The following AGBL4 variants were observed in gnomAD, a reference collection of about 807,000 sequenced individuals.
AGBL4 encodes the protein AGBL carboxypeptidase 4, also known as cytosolic carboxypeptidase 6.
A neutral mutation model predicts 66.4 loss-of-function variants in AGBL4; 58 were observed. The observed-to-expected ratio is 0.87, with a 90% CI of 0.71 to 1.09. The LOEUF is 1.09. AGBL4 is among the 50% of genes least tolerant of loss of function. The pLI is 0.00. For synonymous variants in AGBL4, 234 were observed against 222.9 expected, an observed-to-expected ratio of 1.05 and a Z score of -0.44; for missense variants, 579 against 631.0, an observed-to-expected ratio of 0.92 and a Z score of 0.88.
intron 3 of AGBL4, among the ~76,000 whole-genome samples, chr1:49,316,005 A>G (rs1418962855): frequency 6.6e-6 from 1 of 152,032 alleles, no homozygotes; most frequent in Non-Finnish European, 1.5e-5. Context: ...GAAAGAGACA[A>G]TCTGAAAAGG....
intron 4 of AGBL4, among the ~76,000 whole-genome samples, chr1:49,228,217 CTTA>C (rs2148291275): frequency 6.6e-6 from 1 of 152,270 alleles, no homozygotes; most frequent in African/African-American, 2.4e-5. Context: ...TTTGTGAACA[CTTA>C]TTATTTGTCA....
At chr1:49,416,554 T>A (rs959036824) in intron 3 of AGBL4, among the ~76,000 whole-genome samples, 1 of 152,150 alleles carries the variant, frequency 6.6e-6, no homozygotes, top group Non-Finnish European at 1.5e-5. Flanking sequence ...TAGATAAATG[T>A]TACAACATAA....
At position 48,587,451 on chromosome 1, in the gene AGBL4, A is replaced by G. The variant is rs1225494881; in HGVS notation, c.1105-285T>C. Among the ~76,000 whole-genome samples the G allele has an allele frequency of 3.3e-5, 5 of 151,860 alleles. No homozygotes were observed. In the East Asian group the frequency reaches 9.9e-4, roughly 30 times the overall value. On this transcript the variant is annotated intron_variant, in intron 10 of 13. Transcript: ENST00000371839. Reference sequence around the variant, plus strand: ...AGACAGAGGAAAAAGAAGCAACTACATTTTGATGATAATCAGAACTAACAT... The same window carrying G: ...AGACAGAGGAAAAAGAAGCAACTACGTTTTGATGATAATCAGAACTAACAT...
intron 3 of AGBL4, among the ~76,000 whole-genome samples, chr1:49,332,396 G>C (rs1311173039): frequency 6.6e-6 from 1 of 152,136 alleles, no homozygotes; most frequent in Non-Finnish European, 1.5e-5. Flanking sequence ...TTTCATAGGT[G>C]AGTTATAACC....
intron 3 of AGBL4, among the ~76,000 whole-genome samples, chr1:49,441,967 G>C (rs1312864674): frequency 1.3e-5 from 2 of 152,166 alleles, no homozygotes; most frequent in Non-Finnish European, 2.9e-5. Context: ...TATGGCAACT[G>C]CTGAGTGCCC....
intron 3 of AGBL4, among the ~76,000 whole-genome samples, chr1:49,368,450 C>T (rs1335407239): frequency 6.6e-6 from 1 of 151,856 alleles, no homozygotes; most frequent in East Asian, 1.9e-4. Context: ...TCATGTTATC[C>T]TTGTATTAAT....
chr1:48,560,652 G>A (rs930678259), intron 11 of AGBL4, among the ~76,000 whole-genome samples: 1 of 152,182 alleles, frequency 6.6e-6, no homozygotes, highest in Non-Finnish European at 1.5e-5. Context: ...CCTACAGTCA[G>A]TCCCAGCTTT....
At chr1:50,013,625 C>T (rs190427257) in intron 1 of AGBL4, among the ~76,000 whole-genome samples, 12 of 152,256 alleles carry the variant, frequency 7.9e-5, no homozygotes, top group Admixed American at 7.8e-4. Flanking sequence ...GGTAATGACA[C>T]TACTAAGATA....
At chr1:49,841,778 A>C in intron 2 of AGBL4, 2 of 312,224 alleles carry the variant, frequency 6.4e-6, no homozygotes, top group Non-Finnish European at 1.2e-5. Context: ...AGTTCAGAAA[A>C]TTTGCAGTCT....
At chr1:49,305,675 GTAA>G (rs1644836418) in intron 3 of AGBL4, among the ~76,000 whole-genome samples, 1 of 150,660 alleles carries the variant, frequency 6.6e-6, no homozygotes, top group Non-Finnish European at 1.5e-5. Flanking sequence ...GTCTCGGAAA[GTAA>G]TATGAATTAA....
intron 3 of AGBL4, among the ~76,000 whole-genome samples, chr1:49,511,947 C>G (rs1368232207): frequency 6.6e-6 from 1 of 151,972 alleles, no homozygotes; most frequent in Non-Finnish European, 1.5e-5. Flanking sequence ...GAGTCCTCAA[C>G]AGTAAATAAG....
At chr1:49,862,620 T>A (rs1231653066) in intron 1 of AGBL4, among the ~76,000 whole-genome samples, 1 of 151,654 alleles carries the variant, frequency 6.6e-6, no homozygotes, top group Non-Finnish European at 1.5e-5. Context: ...AGATCAAGCA[T>A]AAAGAAAGGA....
At chr1:48,531,362 G>A (rs1643905603), downstream of AGBL4, among the ~76,000 whole-genome samples, 2 of 152,106 alleles carry the variant, frequency 1.3e-5, no homozygotes, top group Admixed American at 1.3e-4. Context: ...CCTGTCCCAT[G>A]TCATTTCAGT....
intron 3 of AGBL4, among the ~76,000 whole-genome samples, chr1:49,338,602 G>A (rs150325522): frequency 2.1e-4 from 32 of 152,366 alleles, no homozygotes; most frequent in Admixed American, 3.9e-4. Context: ...CCAGGCAGGA[G>A]AGTAGAGAGG....
chr1:49,902,726 A>C (rs1050899498), intron 1 of AGBL4, among the ~76,000 whole-genome samples: 1 of 152,190 alleles, frequency 6.6e-6, no homozygotes, highest in East Asian at 1.9e-4. Flanking sequence ...CAGCCTGGGC[A>C]ACAGAGCGAG....
intron 6 of AGBL4, among the ~76,000 whole-genome samples, chr1:48,803,563 A>G (rs1645856452): frequency 6.6e-6 from 1 of 152,234 alleles, no homozygotes; most frequent in Non-Finnish European, 1.5e-5. Context: ...TAAGGAAGGC[A>G]AGTCATGGTA....
intron 1 of AGBL4, among the ~76,000 whole-genome samples, chr1:49,880,704 G>A (rs536112070): frequency 6.6e-5 from 10 of 152,158 alleles, no homozygotes; most frequent in East Asian, 1.9e-4. Flanking sequence ...TGAGCTTCCC[G>A]GCTGCTTTGT....
At chr1:48,666,148 G>T (rs1646184103) in intron 6 of AGBL4, among the ~76,000 whole-genome samples, 1 of 152,106 alleles carries the variant, frequency 6.6e-6, no homozygotes, top group Admixed American at 6.5e-5. Context: ...AAAATGGATG[G>T]GTCGCCTTTG....
chr1:49,539,818 G>A (rs1427065845), intron 3 of AGBL4, among the ~76,000 whole-genome samples: 1 of 152,180 alleles, frequency 6.6e-6, no homozygotes, highest in African/African-American at 2.4e-5. Context: ...AGATGAGGTG[G>A]AACCTGGAGA....
Sources: allele counts gnomAD v4.1 joint callset (sites outside exome capture counted in the v4.1 genomes callset), GRCh38; gene constraint gnomAD v4.1.1; transcripts MANE v1.5; gene names NCBI Gene and HGNC (gene_info 2026-07-23, HGNC 2026-07-21).